SAMD3: variants seen among roughly 807,000 people sequenced by gnomAD.
The protein encoded by SAMD3 is sterile alpha motif domain containing 3.
A neutral mutation model predicts 58.5 loss-of-function variants in SAMD3; 63 were observed. The ratio of observed to expected loss-of-function variants is 1.08; its 90% CI spans 0.88 to 1.33. The LOEUF is 1.33. Among genes scored for constraint, SAMD3 ranks in the 40% most tolerant of loss-of-function variants. The pLI, the probability that SAMD3 is intolerant of heterozygous loss-of-function variation, is 0.00. For synonymous variants in SAMD3, 220 were observed against 210.3 expected, an observed-to-expected ratio of 1.05 and a Z score of -0.40; for missense variants, 604 against 608.4, an observed-to-expected ratio of 0.99 and a Z score of 0.08.
At chr6:130,263,806 T>C (rs953809680) in intron 2 of SAMD3, among the ~76,000 whole-genome samples, 23 of 152,148 alleles carry the variant, frequency 1.5e-4, no homozygotes, top group African/African-American at 4.3e-4. Context: ...TAGGACCATT[T>C]AATCGGGGGA....
At chr6:130,326,021 G>A (rs1254227335) in intron 1 of SAMD3, among the ~76,000 whole-genome samples, 1 of 152,178 alleles carries the variant, frequency 6.6e-6, no homozygotes, top group African/African-American at 2.4e-5. Context: ...GATAAACTCA[G>A]GGGCATATTG....
At chr6:130,212,976 A>T (rs1470286338) in intron 4 of SAMD3, among the ~76,000 whole-genome samples, 1 of 152,212 alleles carries the variant, frequency 6.6e-6, no homozygotes, top group Admixed American at 6.5e-5. Flanking sequence ...CAATGTTTAG[A>T]AATCCTTCAA....
chr6:130,290,381 A>C (rs1314748942), intron 2 of SAMD3, among the ~76,000 whole-genome samples: 1 of 152,178 alleles, frequency 6.6e-6, no homozygotes, highest in African/African-American at 2.4e-5. Flanking sequence ...AGGAAACCTC[A>C]GTCTTTGCTC....
intron 2 of SAMD3, among the ~76,000 whole-genome samples, chr6:130,261,355 A>G (rs1359262273): frequency 6.7e-6 from 1 of 149,328 alleles, no homozygotes; most frequent in Non-Finnish European, 1.5e-5. Context: ...CTTGGTTTGA[A>G]TTGCTTGACA....
chr6:130,296,816 G>C (rs1193477094), intron 2 of SAMD3, among the ~76,000 whole-genome samples: 1 of 152,158 alleles, frequency 6.6e-6, no homozygotes, highest in Non-Finnish European at 1.5e-5. Flanking sequence ...CCACACTGTG[G>C]TGGGGAACCA....
intron 1 of SAMD3, among the ~76,000 whole-genome samples, chr6:130,331,833 T>A (rs1776944153): frequency 6.6e-6 from 1 of 152,236 alleles, no homozygotes; most frequent in Non-Finnish European, 1.5e-5. Context: ...TTCTGTGTGT[T>A]TATGACTTTA....
chr6:130,216,861 A>G (rs987647005), intron 1 of SAMD3, among the ~76,000 whole-genome samples: 6 of 152,240 alleles, frequency 3.9e-5, no homozygotes, highest in Non-Finnish European at 7.3e-5. Flanking sequence ...ACACCTTTCT[A>G]TCACACTTCT....
rs200849847 is a variant in SAMD3, at chr6:130,175,902, C to T, written c.761G>A (p.Gly254Asp). 300 of 1,613,112 alleles carry T rather than the reference C, an allele frequency of 1.9e-4. 1 individual carries two copies. Among genetic ancestry groups the T allele is most frequent in the South Asian group, 3.3e-5 (3 of 91,056 alleles). The change falls in exon 8 of 12, where the codon GGC becomes GAC. Residue 254 changes from glycine to aspartate, a missense_variant. Transcript: ENST00000439090. ...RNKCKFGHRRGQTRKSLADIR... is the reference protein window; with the variant it reads ...RNKCKFGHRRDQTRKSLADIR... ...ATCAGCAAGAGATTTCCTTGTCTGG[C>T]CTCTTCGGTGTCCAAATTTACACTT...
chr6:130,301,011 G>A (rs1001235923), intron 2 of SAMD3, among the ~76,000 whole-genome samples: 8 of 151,772 alleles, frequency 5.3e-5, no homozygotes, highest in South Asian at 2.1e-4. Flanking sequence ...GATGTTCCCC[G>A]CCCTGTGTCC....
intron 1 of SAMD3, among the ~76,000 whole-genome samples, chr6:130,320,677 A>G (rs982104705): frequency 1.3e-5 from 2 of 152,244 alleles, no homozygotes; most frequent in African/African-American, 4.8e-5. Context: ...AATGACATAA[A>G]GAGGAATGGA....
At chr6:130,234,111 C>G (rs1001505397) in intron 2 of SAMD3, among the ~76,000 whole-genome samples, 2 of 152,318 alleles carry the variant, frequency 1.3e-5, no homozygotes, top group Non-Finnish European at 1.5e-5. Context: ...ATGTCTAACT[C>G]TCATCCTTCC....
upstream of SAMD3, chr6:130,365,763 T>C (rs558999057): frequency 1.0e-6 from 1 of 985,460 alleles, no homozygotes; most frequent in African/African-American, 1.7e-5. Context: ...GCGGGTGATT[T>C]GGGCTCTCGA....
intron 3 of SAMD3, 105 bp from the exon 4 acceptor site, chr6:130,214,631 G>T (rs1403718113): frequency 2.9e-6 from 2 of 694,380 alleles, no homozygotes; most frequent in Non-Finnish European, 4.4e-6. Context: ...ATCTAAACTT[G>T]TCCCCTGACA....
chr6:130,152,920 G>A (rs748641205), intron 9 of SAMD3, among the ~76,000 whole-genome samples: 2 of 152,104 alleles, frequency 1.3e-5, no homozygotes, highest in African/African-American at 2.4e-5. Flanking sequence ...GTCACCAATG[G>A]TTCTTTGAAA....
chr6:130,169,239 C>A (rs1340315921), intron 8 of SAMD3, among the ~76,000 whole-genome samples: 3 of 151,710 alleles, frequency 2.0e-5, no homozygotes, highest in African/African-American at 7.3e-5. Flanking sequence ...AACCCCCCCA[C>A]ACACACACAC....
intron 2 of SAMD3, among the ~76,000 whole-genome samples, chr6:130,308,405 A>ATTCTATTCTATTCT (rs1562513152): frequency 3.9e-4 from 49 of 126,390 alleles, no homozygotes; most frequent in African/African-American, 9.4e-4. Context: ...ATTCTATTCT[A>ATTCTATTCTATTCT]TTCTATTCTA....
chr6:130,219,907 A>G (rs894314335), intron 1 of SAMD3, among the ~76,000 whole-genome samples: 1 of 152,248 alleles, frequency 6.6e-6, no homozygotes, highest in Non-Finnish European at 1.5e-5. Flanking sequence ...AAGACTTATC[A>G]GAGTTGTCTG....
At chr6:130,263,724 CAA>C (rs1376119229) in intron 2 of SAMD3, among the ~76,000 whole-genome samples, 1 of 152,174 alleles carries the variant, frequency 6.6e-6, no homozygotes, top group Non-Finnish European at 1.5e-5. Flanking sequence ...CTTGCCAAGT[CAA>C]AGACAGCTTT....
chr6:130,365,830 T>A, upstream of SAMD3: 1 of 985,586 alleles, frequency 1.0e-6, no homozygotes, highest in Non-Finnish European at 1.2e-6. Context: ...GCAGAGCAGA[T>A]CCTGTCTGCG....
Sources: allele counts gnomAD v4.1 joint callset (sites outside exome capture counted in the v4.1 genomes callset), GRCh38; gene constraint gnomAD v4.1.1; transcripts MANE v1.5; gene names NCBI Gene and HGNC (gene_info 2026-07-23, HGNC 2026-07-21).